Variants in LINC00305 observed in about 807,000 individuals in gnomAD.
LINC00305 encodes the protein long independently transcribed non-coding RNA 305, also known as long intergenic non-protein coding RNA 305.
chr18:64,120,228 T>G (rs2051355759), intron 1 of LINC00305, among the ~76,000 whole-genome samples: 1 of 152,154 alleles, frequency 6.6e-6, no homozygotes, highest in African/African-American at 2.4e-5. Flanking sequence ...TGCTGTGGGA[T>G]GTTTTGCAGA....
At chr18:64,118,619 G>A (rs1245228964) in intron 1 of LINC00305, among the ~76,000 whole-genome samples, 3 of 151,950 alleles carry the variant, frequency 2.0e-5, no homozygotes, top group Non-Finnish European at 4.4e-5. Context: ...CATTCTGCGT[G>A]GAATGCTGGC....
At chr18:64,134,273 G>C (rs2051422891) in intron 1 of LINC00305, among the ~76,000 whole-genome samples, 1 of 152,160 alleles carries the variant, frequency 6.6e-6, no homozygotes, top group Non-Finnish European at 1.5e-5. Context: ...GCTGGTGAAT[G>C]TTATTTGGGG....
At chr18:64,143,826 G>T (rs557894633) in intron 1 of LINC00305, among the ~76,000 whole-genome samples, 1 of 150,312 alleles carries the variant, frequency 6.7e-6, no homozygotes, top group African/African-American at 2.5e-5. Flanking sequence ...TATACACAGA[G>T]ATAATTCTTA....
chr18:64,097,782 T>G (rs1275110766), intron 3 of LINC00305: 1 of 437,786 alleles, frequency 2.3e-6, no homozygotes, highest in East Asian at 7.1e-5. Flanking sequence ...CATGGAAACA[T>G]TCCTTTATAA....
chr18:64,080,747 C>CA (rs1238390656), intron 3 of LINC00305, among the ~76,000 whole-genome samples: 3 of 151,912 alleles, frequency 2.0e-5, no homozygotes, highest in Non-Finnish European at 4.4e-5. Flanking sequence ...ATATGTAGTG[C>CA]AAAATTATTT....
At chr18:64,087,279 A>G (rs770476239) in intron 3 of LINC00305, among the ~76,000 whole-genome samples, 1 of 152,176 alleles carries the variant, frequency 6.6e-6, no homozygotes, top group Non-Finnish European at 1.5e-5. Flanking sequence ...GGTTTGATAG[A>G]TTATTATGCA....
intron 3 of LINC00305, among the ~76,000 whole-genome samples, chr18:64,089,480 GT>G (rs1418254996): frequency 1.3e-5 from 2 of 152,178 alleles, no homozygotes; most frequent in Non-Finnish European, 2.9e-5. Flanking sequence ...ACACATGCTG[GT>G]TTTTTCTTTC....
intron 1 of LINC00305, among the ~76,000 whole-genome samples, chr18:64,115,803 T>C (rs1178225993): frequency 6.6e-6 from 1 of 152,204 alleles, no homozygotes; most frequent in Non-Finnish European, 1.5e-5. Context: ...ATTAAAAGCT[T>C]CTTGCCAGTT....
intron 3 of LINC00305, among the ~76,000 whole-genome samples, chr18:64,087,339 A>T (rs1218229634): frequency 6.6e-6 from 1 of 152,188 alleles, no homozygotes; most frequent in Non-Finnish European, 1.5e-5. Flanking sequence ...ATCCAATCAA[A>T]TTGGTTCTCT....
chr18:64,100,889 T>A (rs1046351358), intron 1 of LINC00305, among the ~76,000 whole-genome samples: 1 of 152,146 alleles, frequency 6.6e-6, no homozygotes, highest in African/African-American at 2.4e-5. Context: ...CTCTTCTGTT[T>A]GCAATAGAGT....
At chr18:64,107,269 A>G (rs894258538) in intron 1 of LINC00305, among the ~76,000 whole-genome samples, 1 of 152,206 alleles carries the variant, frequency 6.6e-6, no homozygotes, top group Non-Finnish European at 1.5e-5. Context: ...AGAAACAGAC[A>G]AGTAATAGAA....
chr18:64,080,509 A>G (rs1043152751), intron 3 of LINC00305: 5 of 232,212 alleles, frequency 2.2e-5, no homozygotes, highest in Non-Finnish European at 3.6e-5. Flanking sequence ...AAATTTTAGA[A>G]TACTTTAAAA....
intron 1 of LINC00305, among the ~76,000 whole-genome samples, chr18:64,144,318 T>C (rs1022458880): frequency 1.1e-4 from 16 of 152,136 alleles, no homozygotes; most frequent in African/African-American, 3.9e-4. Context: ...TCCTAATCTC[T>C]GGAACCTGTG....
chr18:64,103,150 AAC>A (rs1417763102), intron 1 of LINC00305, among the ~76,000 whole-genome samples: 1 of 152,220 alleles, frequency 6.6e-6, no homozygotes, highest in Non-Finnish European at 1.5e-5. Context: ...GAAGATATAA[AAC>A]ACAAACAGAA....
chr18:64,145,270 A>T (rs1193569883), intron 1 of LINC00305, among the ~76,000 whole-genome samples: 1 of 152,210 alleles, frequency 6.6e-6, no homozygotes, highest in African/African-American at 2.4e-5. Flanking sequence ...CTACAAATGT[A>T]CTGTACTTCT....
chr18:64,088,143 A>C (rs656561), intron 3 of LINC00305, among the ~76,000 whole-genome samples: 1 of 142,660 alleles, frequency 7.0e-6, no homozygotes, highest in African/African-American at 2.7e-5. Context: ...CCGTATCAGG[A>C]AAAAAAAAAA....
rs187692904 is a variant in LINC00305 at position 64,136,208 on chromosome 18, T to C, written n.314+12567A>G. 4.6e-4 allele frequency among the ~76,000 whole-genome samples: 70 copies of C among 152,328 alleles called. No homozygotes were observed. In the East Asian group the frequency reaches 0.012, roughly 26 times the overall value. On this transcript the variant is annotated intron_variant and non_coding_transcript_variant, in intron 1 of 3. Coordinates refer to ENST00000666468, the Ensembl canonical transcript of LINC00305. ...TTCGTCCTTACTGATTGTGTGTGTATGATACAGGACTTGTTTAGGTATCTG... is the reference window on the plus strand; with the variant it reads ...TTCGTCCTTACTGATTGTGTGTGTACGATACAGGACTTGTTTAGGTATCTG...
chr18:64,143,675 T>TATGTATGTACACATATTATGCGTAC (rs2051480183), intron 1 of LINC00305, among the ~76,000 whole-genome samples: 2,192 of 68,624 alleles, frequency 0.032, 520 homozygotes, highest in Middle Eastern at 0.055. Flanking sequence ...TATGTATACA[T>TATGTATGTACACATATTATGCGTAC]ATGTATGTCC....
intron 1 of LINC00305, among the ~76,000 whole-genome samples, chr18:64,114,271 G>T (rs891116241): frequency 6.6e-6 from 1 of 152,148 alleles, no homozygotes; most frequent in Non-Finnish European, 1.5e-5. Context: ...AACGTTCAGG[G>T]TTCTAAAGTG....
Sources: gnomAD v4.1 joint callset for allele counts (sites outside exome capture counted in the v4.1 genomes callset) on GRCh38, gnomAD v4.1.1 for gene constraint, MANE v1.5 for transcripts, NCBI Gene and HGNC (gene_info 2026-07-23, HGNC 2026-07-21) for gene names.